The following AP2A2 variants were observed in gnomAD, a reference collection of about 807,000 sequenced individuals.
AP2A2 encodes AP-2 complex subunit alpha-2.
A neutral mutation model predicts 104.2 loss-of-function variants in AP2A2; 32 were observed. The ratio of observed to expected loss-of-function variants is 0.31; its 90% CI spans 0.23 to 0.41. AP2A2 has a LOEUF of 0.41. AP2A2 is among the 10% of genes least tolerant of loss of function. The pLI, the probability that AP2A2 is intolerant of heterozygous loss-of-function variation, is 1.00. For synonymous variants in AP2A2, 539 were observed against 533.3 expected (o/e 1.01, Z -0.15); for missense variants, 912 against 1,261.0 (o/e 0.72, Z 4.19).
chr11:984,429 G>A (rs1219428261), intron 6 of AP2A2, among the ~76,000 whole-genome samples: 1 of 152,214 alleles, frequency 6.6e-6, no homozygotes, highest in Non-Finnish European at 1.5e-5. Context: ...AGCGAGGGCT[G>A]CCACTCAGCT....
intron 1 of AP2A2, among the ~76,000 whole-genome samples, chr11:928,038 C>T (rs75088861): frequency 1.3e-5 from 2 of 152,224 alleles, no homozygotes; most frequent in East Asian, 3.9e-4. Flanking sequence ...TTGCGTTAGG[C>T]AGGACAATGA....
intron 3 of AP2A2, among the ~76,000 whole-genome samples, chr11:971,421 G>A (rs572586889): frequency 1.2e-4 from 18 of 152,294 alleles, no homozygotes; most frequent in East Asian, 5.8e-4. Flanking sequence ...CCCTCGTGGC[G>A]TCTTCCTGGG....
intron 1 of AP2A2, among the ~76,000 whole-genome samples, chr11:959,202 C>T (rs550067832): frequency 6.6e-4 from 101 of 152,368 alleles, no homozygotes; most frequent in African/African-American, 2.2e-3. Flanking sequence ...GGACTCGCTC[C>T]TTTGCTGTCC....
intron 15 of AP2A2, 106 bp downstream of exon 15, chr11:1,000,704 TC>T: frequency 8.0e-7 from 1 of 1,254,640 alleles, no homozygotes; most frequent in Admixed American, 2.7e-5. Flanking sequence ...GGAGTTTACC[TC>T]CCAGATTACT....
rs141131247 is a variant in AP2A2, at chr11:997,019, G to T, written c.1956+2774G>T. The stretch of plus-strand genomic sequence containing the variant: ...GTTCCCATTGCTCACGGGAGCCCCA[G>T]TGAGAGGCCCCTCCCTATGGGGAGA... On this transcript the variant is annotated intron_variant, in intron 14 of 21. Coordinates refer to ENST00000448903, the MANE Select transcript of AP2A2 (RefSeq NM_012305.4). Among the ~76,000 whole-genome samples the T allele has an allele frequency of 7.4e-3, 1,133 of 152,250 alleles. 13 individuals carry two copies. Among genetic ancestry groups the T allele is most frequent in the African/African-American group, 0.026 (1,079 of 41,540 alleles).
At chr11:972,432 C>A (rs566337717) in intron 4 of AP2A2, among the ~76,000 whole-genome samples, 177 bp downstream of exon 4, 2 of 152,230 alleles carry the variant, frequency 1.3e-5, no homozygotes, top group African/African-American at 4.8e-5. Flanking sequence ...CGGTGGCTCA[C>A]GCCTCTAATC....
intron 14 of AP2A2, 23 bp from the exon 15 acceptor site, chr11:1,000,409 T>C: frequency 6.5e-7 from 1 of 1,542,756 alleles, no homozygotes; most frequent in Non-Finnish European, 8.7e-7. Flanking sequence ...TCTCTGCTGA[T>C]GCTCTCCTTC....
chr11:983,584 T>C lies in AP2A2; in HGVS notation c.706-1061T>C, dbSNP rs369708413. ...TTTTTTAGTAGAGATGGGGTTTCAC[T>C]GTGTTAGCCAGGATGGTCTCGATCT... On this transcript the variant is annotated intron_variant, in intron 6 of 21. Transcript: ENST00000448903. 5.3e-3 allele frequency among the ~76,000 whole-genome samples: 806 copies of C among 151,888 alleles called. 7 individuals are homozygous for C. Among genetic ancestry groups the C allele is most frequent in the South Asian group, 0.023 (110 of 4,810 alleles).
At chr11:988,200 T>C (rs1463730840) in intron 9 of AP2A2, among the ~76,000 whole-genome samples, 1 of 152,190 alleles carries the variant, frequency 6.6e-6, no homozygotes, top group African/African-American at 2.4e-5. Context: ...GTGGGGTCTT[T>C]GGCTGCATGG....
intron 1 of AP2A2, among the ~76,000 whole-genome samples, chr11:939,646 T>G (rs1365175473): frequency 6.6e-6 from 1 of 152,070 alleles, no homozygotes; most frequent in African/African-American, 2.4e-5. Context: ...AGTTTCACCA[T>G]GTTGACCAGG....
Position 992,147 on chromosome 11 carries a change from G to A in AP2A2, c.1270-356G>A, listed in dbSNP as rs956485482. 1.4e-4 allele frequency among the ~76,000 whole-genome samples: 21 copies of A among 152,038 alleles called. No homozygotes were observed. The highest frequency in any genetic ancestry group is 4.3e-4 in the African/African-American group (18 of 41,382). On this transcript the variant is annotated intron_variant, in intron 10 of 21. Transcript: ENST00000448903. This position sits in a 1 kb window ranked among gnomAD's most constrained non-coding sequence, Gnocchi z 6.4. ...GGGAGCCCAGGGTGGCGCAGTCAGA[G>A]GTCAGAGGAGTGCTGCCACCGGGAG... is the stretch of plus-strand genomic sequence containing the variant.
intron 1 of AP2A2, among the ~76,000 whole-genome samples, chr11:955,973 C>T (rs1371520437): frequency 6.6e-6 from 1 of 152,126 alleles, no homozygotes; most frequent in African/African-American, 2.4e-5. Flanking sequence ...CCTTTTACTT[C>T]AGCTGGAGAT....
chr11:937,888 C>T (rs1853513070), intron 1 of AP2A2, among the ~76,000 whole-genome samples: 3 of 152,104 alleles, frequency 2.0e-5, no homozygotes, highest in Admixed American at 2.0e-4. Context: ...TGTCAGTTAG[C>T]CTAAGTCCCG....
At chr11:951,831 G>T (rs1180795364) in intron 1 of AP2A2, among the ~76,000 whole-genome samples, 1 of 152,082 alleles carries the variant, frequency 6.6e-6, no homozygotes, top group Non-Finnish European at 1.5e-5. Flanking sequence ...AAAATTCTTG[G>T]GCTTGGTCAA....
intron 6 of AP2A2, among the ~76,000 whole-genome samples, chr11:984,420 G>A (rs1855375203): frequency 6.6e-6 from 1 of 152,204 alleles, no homozygotes; most frequent in Non-Finnish European, 1.5e-5. Flanking sequence ...CTTGTACCGA[G>A]CGAGGGCTGC....
chr11:995,846 A>G (rs1401861315), intron 14 of AP2A2, among the ~76,000 whole-genome samples: 2 of 136,258 alleles, frequency 1.5e-5, no homozygotes, highest in Admixed American at 7.5e-5. Flanking sequence ...CGCCATCTGG[A>G]GGCTTGAATT....
At chr11:972,031 G>C in intron 3 of AP2A2, 31 bp from the exon 4 acceptor site, 1 of 1,589,320 alleles carries the variant, frequency 6.3e-7, no homozygotes, top group Non-Finnish European at 8.6e-7. Flanking sequence ...ATTGTCATGA[G>C]CTTTCTCTTC....
intron 1 of AP2A2, among the ~76,000 whole-genome samples, chr11:928,187 C>G (rs866038584): frequency 3.9e-5 from 6 of 152,342 alleles, no homozygotes; most frequent in Admixed American, 2.6e-4. Flanking sequence ...GTTTCACCTT[C>G]TGAGGTTTCA....
At chr11:971,971 A>G (rs1854846053) in intron 3 of AP2A2, 91 bp from the exon 4 acceptor site, 6 of 1,306,412 alleles carry the variant, frequency 4.6e-6, no homozygotes, top group Non-Finnish European at 6.3e-6. Context: ...CTGCTTCCGC[A>G]TCTGTGTGTC....
Sources: allele counts gnomAD v4.1 joint callset (sites outside exome capture counted in the v4.1 genomes callset), GRCh38; gene constraint gnomAD v4.1.1; non-coding constraint Gnocchi (gnomAD v3.1); transcripts MANE v1.5; gene names NCBI Gene and HGNC (gene_info 2026-07-23, HGNC 2026-07-21).